Variants in WDR70 observed in about 807,000 individuals in gnomAD.
WDR70 encodes WD repeat domain 70, also known as WD repeat-containing protein 70.
In WDR70, 53 loss-of-function variants were observed where a neutral mutation model predicts 88.6. The observed-to-expected ratio is 0.60, with a 90% confidence interval of 0.48 to 0.75. The LOEUF is 0.75. WDR70 is among the 30% of genes least tolerant of loss of function. The pLI is 0.00. For missense variants in WDR70, 610 were observed against 823.2 expected, an observed-to-expected ratio of 0.74 and a Z score of 3.17; for synonymous variants, 280 against 270.0, an observed-to-expected ratio of 1.04 and a Z score of -0.36.
In WDR70 at chr5:37,631,324, A is replaced by G. The variant is rs137892918; in HGVS notation, c.1092+26086A>G. On this transcript the variant is annotated intron_variant, in intron 10 of 17. Transcript: ENST00000265107. ...GAACTAAATCAACAGAGTTTGCCCA[A>G]TGAAGGCAGTTAGCTTTATTGTAAT... Among the ~76,000 whole-genome samples the G allele has an allele frequency of 6.6e-5, 10 of 152,302 alleles. No homozygotes were observed. In the East Asian group the frequency reaches 1.5e-3, roughly 23 times the overall value.
At chr5:37,519,194 C>T (rs566446675) in intron 9 of WDR70, among the ~76,000 whole-genome samples, 7 of 152,338 alleles carry the variant, frequency 4.6e-5, no homozygotes, top group East Asian at 1.9e-4. Context: ...TCTCGATGAT[C>T]GCTGTCTCTT....
At chr5:37,664,902 A>G (rs962876731) in intron 10 of WDR70, among the ~76,000 whole-genome samples, 5 of 152,242 alleles carry the variant, frequency 3.3e-5, no homozygotes, top group African/African-American at 1.2e-4. Context: ...GTTTAGTATC[A>G]CTGAACTTAG....
intron 10 of WDR70, among the ~76,000 whole-genome samples, chr5:37,646,029 G>T (rs1053886755): frequency 1.3e-5 from 2 of 151,540 alleles, no homozygotes; most frequent in Non-Finnish European, 3.0e-5. Flanking sequence ...TTTTTTTTGT[G>T]GTCTTCTCTT....
intron 9 of WDR70, among the ~76,000 whole-genome samples, chr5:37,542,190 T>C (rs962541526): frequency 7.2e-5 from 11 of 152,116 alleles, no homozygotes; most frequent in Admixed American, 5.9e-4. Context: ...GTAAAAGACA[T>C]AATTTCATAT....
intron 7 of WDR70, among the ~76,000 whole-genome samples, chr5:37,476,863 G>A (rs1161293633): frequency 6.6e-6 from 1 of 152,140 alleles, no homozygotes; most frequent in Non-Finnish European, 1.5e-5. Context: ...AAGAGATTGG[G>A]TCTTGCTCTG....
intron 5 of WDR70, among the ~76,000 whole-genome samples, chr5:37,434,548 G>A (rs1160116163): frequency 6.6e-6 from 1 of 152,100 alleles, no homozygotes; most frequent in East Asian, 1.9e-4. Flanking sequence ...TTTGTTATTG[G>A]GTAGAGGTTT....
chr5:37,664,733 G>A lies in WDR70; in HGVS notation c.1093-32922G>A, dbSNP rs73065617. On this transcript the variant is annotated intron_variant, in intron 10 of 17. Coordinates refer to ENST00000265107, the MANE Select transcript of WDR70 (RefSeq NM_018034.4). ...TTGTTGGGTAAGGAGCCATTTAACC[G>A]ATCTTGACATCTGCCACACCTGGCA... 7.4e-3 allele frequency among the ~76,000 whole-genome samples: 1,126 copies of A among 152,286 alleles called. 17 individuals are homozygous for A. The highest frequency in any genetic ancestry group is 0.025 in the African/African-American group (1,058 of 41,540).
intron 10 of WDR70, among the ~76,000 whole-genome samples, chr5:37,610,137 G>C (rs973006377): frequency 1.3e-5 from 2 of 152,034 alleles, no homozygotes; most frequent in African/African-American, 4.8e-5. Context: ...GTGGTGGCAG[G>C]CACCTGTAGT....
At chr5:37,528,050 C>T (rs1247712397) in intron 9 of WDR70, among the ~76,000 whole-genome samples, 1 of 152,170 alleles carries the variant, frequency 6.6e-6, no homozygotes, top group Non-Finnish European at 1.5e-5. Flanking sequence ...ACTAGGTCAA[C>T]CATTTTGGAA....
chr5:37,388,599 G>A (rs1283694298), intron 3 of WDR70, among the ~76,000 whole-genome samples: 1 of 150,294 alleles, frequency 6.7e-6, no homozygotes, highest in East Asian at 2.0e-4. Context: ...AATTAGGTGG[G>A]CATGGTGACT....
At chr5:37,520,776 TA>T (rs1217151004) in intron 9 of WDR70, among the ~76,000 whole-genome samples, 11 of 152,174 alleles carry the variant, frequency 7.2e-5, no homozygotes, top group African/African-American at 2.7e-4. Context: ...AGAAATTACT[TA>T]AATCTGATAA....
chr5:37,472,387 T>C (rs1291826238), intron 7 of WDR70, among the ~76,000 whole-genome samples: 1 of 152,080 alleles, frequency 6.6e-6, no homozygotes, highest in African/African-American at 2.4e-5. Context: ...TAATATATAG[T>C]ATGTTTCTTT....
At chr5:37,715,751 T>C (rs529126555) in intron 13 of WDR70, among the ~76,000 whole-genome samples, 1 of 152,380 alleles carries the variant, frequency 6.6e-6, no homozygotes, top group African/African-American at 2.4e-5. Context: ...TATTTTAATA[T>C]AGAAAACAGT....
intron 9 of WDR70, among the ~76,000 whole-genome samples, chr5:37,544,737 G>A (rs960771577): frequency 2.6e-5 from 4 of 152,084 alleles, no homozygotes; most frequent in East Asian, 1.9e-4. Context: ...TATAGTTGGC[G>A]TTCATATTTA....
chr5:37,463,639 A>C (rs938907898), intron 7 of WDR70, among the ~76,000 whole-genome samples: 6 of 152,214 alleles, frequency 3.9e-5, no homozygotes, highest in Non-Finnish European at 8.8e-5. Context: ...TTACTCCGTG[A>C]GAGAGCATTC....
chr5:37,455,248 T>C (rs1168705620), intron 7 of WDR70, among the ~76,000 whole-genome samples: 513 of 148,636 alleles, frequency 3.5e-3, no homozygotes, highest in Non-Finnish European at 6.0e-3. Flanking sequence ...TCTTTCTTTT[T>C]TTTTTTTTTT....
chr5:37,560,318 A>C (rs968327261), intron 9 of WDR70, among the ~76,000 whole-genome samples: 1 of 149,732 alleles, frequency 6.7e-6, no homozygotes. Context: ...TGTTTTTTTT[A>C]CTTTATTTAA....
chr5:37,715,399 A>G (rs1412395638), intron 13 of WDR70, among the ~76,000 whole-genome samples: 10 of 151,696 alleles, frequency 6.6e-5, no homozygotes, highest in Non-Finnish European at 1.5e-4. Context: ...ATTTCCTTGG[A>G]ACTGGAGGAA....
chr5:37,538,275 A>G (rs1741721705), intron 9 of WDR70, among the ~76,000 whole-genome samples: 1 of 152,134 alleles, frequency 6.6e-6, no homozygotes. Context: ...ACATATTTTG[A>G]ATACTATGAC....
Sources: allele counts gnomAD v4.1 joint callset (sites outside exome capture counted in the v4.1 genomes callset), GRCh38; gene constraint gnomAD v4.1.1; transcripts MANE v1.5; gene names NCBI Gene and HGNC (gene_info 2026-07-23, HGNC 2026-07-21).